The following AKAP6 variants were observed in gnomAD, a reference collection of about 807,000 sequenced individuals.
The protein encoded by AKAP6 is A-kinase anchoring protein 6, also known as A-kinase anchor protein 6.
In AKAP6, 58 loss-of-function variants were observed where a neutral mutation model predicts 188.5. That is an observed-to-expected ratio of 0.31 (90% CI 0.25 to 0.38). AKAP6 has a LOEUF of 0.38. Ranked by LOEUF, AKAP6 falls within the 10% of genes least tolerant of loss-of-function variation. The probability of loss-of-function intolerance (pLI) is 1.00; values close to 1 mark genes in which losing one functional copy is unlikely to be tolerated. For missense variants in AKAP6, 2,710 were observed against 2,740.0 expected (o/e 0.99, Z 0.24); for synonymous variants, 989 against 998.6 (o/e 0.99, Z 0.18).
intron 1 of AKAP6, among the ~76,000 whole-genome samples, chr14:32,418,471 C>G (rs112092891): frequency 6.9e-4 from 105 of 152,244 alleles, no homozygotes; most frequent in African/African-American, 1.7e-3. Flanking sequence ...GCTGATGGGT[C>G]TTTGCTTTAT....
intron 13 of AKAP6, among the ~76,000 whole-genome samples, chr14:32,828,976 G>C (rs2140166630): frequency 6.6e-6 from 1 of 152,258 alleles, no homozygotes; most frequent in South Asian, 2.1e-4. Flanking sequence ...CGTTCTTGAA[G>C]GACAGTAAAA....
chr14:32,716,928 C>T (rs559477405), intron 9 of AKAP6, among the ~76,000 whole-genome samples: 8 of 152,138 alleles, frequency 5.3e-5, no homozygotes, highest in Non-Finnish European at 8.8e-5. Context: ...TATTTTATAT[C>T]GGGATCTAAA....
intron 2 of AKAP6, among the ~76,000 whole-genome samples, chr14:32,498,764 C>T (rs553311283): frequency 3.9e-5 from 6 of 151,984 alleles, no homozygotes; most frequent in Admixed American, 6.6e-5. Context: ...GGTAAGTGGG[C>T]GGGAGGGTGT....
intron 2 of AKAP6, among the ~76,000 whole-genome samples, chr14:32,459,141 G>C (rs1425723043): frequency 6.6e-6 from 1 of 152,168 alleles, no homozygotes; most frequent in Non-Finnish European, 1.5e-5. Flanking sequence ...ACTATGTGCT[G>C]TGGAGTTCAA....
chr14:32,725,359 C>T (rs556604241), intron 9 of AKAP6, among the ~76,000 whole-genome samples: 50 of 152,344 alleles, frequency 3.3e-4, no homozygotes, highest in South Asian at 1.0e-3. Context: ...GCCTACTCCC[C>T]GCTGGGGTCT....
At chr14:32,770,762 A>G (rs143113911) in intron 11 of AKAP6, among the ~76,000 whole-genome samples, 2 of 152,330 alleles carry the variant, frequency 1.3e-5, no homozygotes, top group Non-Finnish European at 2.9e-5. Flanking sequence ...CCTCTTTGAT[A>G]TTATACTTAT....
At chr14:32,489,771 A>C (rs1879902351) in intron 2 of AKAP6, among the ~76,000 whole-genome samples, 1 of 152,190 alleles carries the variant, frequency 6.6e-6, no homozygotes. Flanking sequence ...ATCTCTAAAT[A>C]ATATAGTTTG....
At chr14:32,443,407 CA>C (rs1181256636) in intron 2 of AKAP6, among the ~76,000 whole-genome samples, 4 of 136,222 alleles carry the variant, frequency 2.9e-5, no homozygotes, top group East Asian at 5.4e-4. Flanking sequence ...CAAAACAAAA[CA>C]AAAAAAAAAC....
rs943504057 is a variant in AKAP6 at position 32,404,434 on chromosome 14, A to G, written c.-34-29026A>G. On this transcript the variant is annotated intron_variant, in intron 1 of 13. Transcript: ENST00000280979. ...TTTTACTTTTATGAGTTGACTGTCA[A>G]GCATTTGAGAAGGGAGGGTGTTTTT... 4.0e-4 allele frequency among the ~76,000 whole-genome samples: 61 copies of G among 151,906 alleles called. 1 individual carries two copies. The highest frequency in any genetic ancestry group is 1.4e-3 in the African/African-American group (59 of 41,438).
At chr14:32,807,078 AT>A (rs1243945805) in intron 12 of AKAP6, among the ~76,000 whole-genome samples, 1 of 151,336 alleles carries the variant, frequency 6.6e-6, no homozygotes, top group East Asian at 2.0e-4. Flanking sequence ...AAATATATAT[AT>A]ATATATATAA....
intron 5 of AKAP6, among the ~76,000 whole-genome samples, chr14:32,599,055 C>T (rs1885816946): frequency 6.6e-6 from 1 of 152,030 alleles, no homozygotes; most frequent in South Asian, 2.1e-4. Context: ...ATAAATAGTG[C>T]TATCACTAAC....
intron 2 of AKAP6, among the ~76,000 whole-genome samples, chr14:32,496,774 C>T (rs117381499): frequency 0.053 from 8,070 of 152,094 alleles, 336 homozygotes; most frequent in Non-Finnish European, 0.08. Context: ...TTGTATGGCT[C>T]AACCTAGTTA....
chr14:32,475,646 G>A, intron 2 of AKAP6, among the ~76,000 whole-genome samples: 1 of 150,848 alleles, frequency 6.6e-6, no homozygotes, highest in Non-Finnish European at 1.5e-5. Flanking sequence ...AATCTGATGA[G>A]CAGAGTCTGC....
At chr14:32,432,442 T>C (rs2138704269) in intron 1 of AKAP6, among the ~76,000 whole-genome samples, 1 of 152,338 alleles carries the variant, frequency 6.6e-6, no homozygotes, top group South Asian at 2.1e-4. Context: ...ACTTATTTGG[T>C]TAATATTTTA....
chr14:32,747,119 C>T (rs754968780), intron 11 of AKAP6, among the ~76,000 whole-genome samples: 1 of 152,158 alleles, frequency 6.6e-6, no homozygotes, highest in Non-Finnish European at 1.5e-5. Flanking sequence ...AGACCAATTT[C>T]ATCAAGTCTT....
At chr14:32,755,760 C>T (rs1018891386) in intron 11 of AKAP6, among the ~76,000 whole-genome samples, 9 of 152,062 alleles carry the variant, frequency 5.9e-5, no homozygotes, top group Admixed American at 4.6e-4. Context: ...CTCCTGGGCT[C>T]GAGTGATTCT....
At chr14:32,434,491 C>A (rs578225506) in intron 2 of AKAP6, among the ~76,000 whole-genome samples, 3 of 152,152 alleles carry the variant, frequency 2.0e-5, no homozygotes, top group Non-Finnish European at 4.4e-5. Context: ...GTGAACCTCG[C>A]CCTGCCATAG....
At chr14:32,370,724 A>C (rs552423316) in intron 1 of AKAP6, among the ~76,000 whole-genome samples, 5 of 152,358 alleles carry the variant, frequency 3.3e-5, no homozygotes, top group Non-Finnish European at 7.3e-5. Flanking sequence ...CATTACTGTT[A>C]TGAAGGCTCT....
At chr14:32,407,395 G>A (rs1251593116) in intron 1 of AKAP6, among the ~76,000 whole-genome samples, 2 of 152,132 alleles carry the variant, frequency 1.3e-5, no homozygotes, top group Non-Finnish European at 2.9e-5. Flanking sequence ...CAGCTCTCCA[G>A]CTCGGCTATG....
Sources: gnomAD v4.1 joint callset for allele counts (sites outside exome capture counted in the v4.1 genomes callset) on GRCh38, gnomAD v4.1.1 for gene constraint, MANE v1.5 for transcripts, NCBI Gene and HGNC (gene_info 2026-07-23, HGNC 2026-07-21) for gene names.